Variants in DLGAP1 observed in about 807,000 individuals in gnomAD.
DLGAP1 encodes the protein DLG associated protein 1.
DLGAP1 carries 11 observed loss-of-function variants against 90.8 expected under a neutral mutation model. That is an observed-to-expected ratio of 0.12 (90% CI 0.08 to 0.20). The LOEUF is 0.20. Ranked by LOEUF, DLGAP1 falls within the 10% of genes least tolerant of loss-of-function variation. The pLI is 1.00. For missense variants in DLGAP1, 1,050 were observed against 1,333.8 expected (o/e 0.79, Z 3.31); for synonymous variants, 558 against 540.7 (o/e 1.03, Z -0.44).
intron 4 of DLGAP1, among the ~76,000 whole-genome samples, chr18:3,832,303 A>AGAT (rs1242205134): frequency 6.6e-6 from 1 of 152,208 alleles, no homozygotes; most frequent in Non-Finnish European, 1.5e-5. Context: ...GTAATAATGC[A>AGAT]GATATATTTC....
chr18:4,108,422 T>C (rs1186387155), intron 2 of DLGAP1, among the ~76,000 whole-genome samples: 1 of 152,158 alleles, frequency 6.6e-6, no homozygotes, highest in Admixed American at 6.5e-5. Context: ...TTATATTAAA[T>C]AAGTCTGTAT....
intron 4 of DLGAP1, chr18:3,874,331 G>C: frequency 6.6e-7 from 1 of 1,524,556 alleles, no homozygotes. Context: ...CTACCGCGGA[G>C]AGAGCGTTTT....
At chr18:4,281,931 G>C (rs2079561220) in intron 1 of DLGAP1, among the ~76,000 whole-genome samples, 1 of 152,034 alleles carries the variant, frequency 6.6e-6, no homozygotes, top group Non-Finnish European at 1.5e-5. Flanking sequence ...ATGTAAGAAG[G>C]GTAGTCTATA....
At chr18:4,453,601 C>T (rs745485506) in intron 1 of DLGAP1, among the ~76,000 whole-genome samples, 1 of 152,144 alleles carries the variant, frequency 6.6e-6, no homozygotes, top group Non-Finnish European at 1.5e-5. Context: ...TGCCTTAGGA[C>T]CTAAAATCGC....
chr18:3,902,629 G>A (rs529275251), intron 3 of DLGAP1, among the ~76,000 whole-genome samples: 14 of 152,018 alleles, frequency 9.2e-5, no homozygotes, highest in East Asian at 5.8e-4. Context: ...CTTTCTGCTC[G>A]GCCCCCACCG....
rs369753303 is a variant in DLGAP1, at chr18:3,582,846, CCCCT to C, written c.1592-602_1592-599del. 6.3e-3 allele frequency among the ~76,000 whole-genome samples: 631 copies of C among 100,760 alleles called. 6 individuals carry two copies. Among genetic ancestry groups the C allele is most frequent in the African/African-American group, 0.022 (573 of 26,616 alleles). The allele number at this position is 100,760 out of a possible 152,430, so 66.1% of individuals were successfully genotyped here. On this transcript the variant is annotated intron_variant, in intron 7 of 12. Transcript: ENST00000315677. Reference sequence around the variant, plus strand: ...CCTTCCTTCCTTCTTTCCTCCCTCCCCCCTCCCTCCCTCCCTCCTTCCTTCCTTC... The same window carrying C: ...CCTTCCTTCCTTCTTTCCTCCCTCCCCCCTCCCTCCCTCCTTCCTTCCTTC...
At chr18:3,755,835 A>G (rs1385921511) in intron 5 of DLGAP1, among the ~76,000 whole-genome samples, 1 of 152,202 alleles carries the variant, frequency 6.6e-6, no homozygotes, top group African/African-American at 2.4e-5. Context: ...ATACCTATAG[A>G]ACACTCCACT....
intron 2 of DLGAP1, among the ~76,000 whole-genome samples, chr18:4,021,187 CTCTT>C (rs1256170838): frequency 1.3e-5 from 2 of 152,160 alleles, no homozygotes; most frequent in Non-Finnish European, 2.9e-5. Flanking sequence ...GCGTGAATTA[CTCTT>C]TCTTTATTGC....
At chr18:4,414,062 G>A (rs1598383705) in intron 1 of DLGAP1, among the ~76,000 whole-genome samples, 1 of 152,156 alleles carries the variant, frequency 6.6e-6, no homozygotes, top group Non-Finnish European at 1.5e-5. Flanking sequence ...ACTATGTGAA[G>A]CTGGTCAAAT....
intron 2 of DLGAP1, among the ~76,000 whole-genome samples, chr18:4,071,629 C>G (rs1226042791): frequency 2.6e-5 from 4 of 152,130 alleles, no homozygotes; most frequent in Non-Finnish European, 5.9e-5. Context: ...TATATTAGTG[C>G]TTACTCTTTC....
intron 7 of DLGAP1, among the ~76,000 whole-genome samples, chr18:3,640,178 A>T (rs1237684963): frequency 6.6e-6 from 1 of 152,114 alleles, no homozygotes; most frequent in Non-Finnish European, 1.5e-5. Context: ...ATATTTATTT[A>T]AAAAATAGAT....
chr18:4,381,149 C>T (rs1196842462), intron 1 of DLGAP1, among the ~76,000 whole-genome samples: 2 of 152,106 alleles, frequency 1.3e-5, no homozygotes, highest in Non-Finnish European at 1.5e-5. Context: ...AAAGACTTCC[C>T]CATGTTAAAA....
At chr18:3,592,738 G>A (rs2056321381) in intron 7 of DLGAP1, among the ~76,000 whole-genome samples, 1 of 150,062 alleles carries the variant, frequency 6.7e-6, no homozygotes, top group South Asian at 2.1e-4. Flanking sequence ...CAGCTACTCG[G>A]TAGGCTGAGG....
chr18:4,147,283 C>T (rs1375694475), intron 2 of DLGAP1, among the ~76,000 whole-genome samples: 5 of 152,138 alleles, frequency 3.3e-5, no homozygotes, highest in Admixed American at 3.3e-4. Flanking sequence ...ATATAAATGA[C>T]ATTTCCCCGG....
intron 8 of DLGAP1, among the ~76,000 whole-genome samples, chr18:3,573,134 G>T (rs2054905000): frequency 6.6e-6 from 1 of 152,118 alleles, no homozygotes; most frequent in African/African-American, 2.4e-5. Flanking sequence ...TTGTAAGCAT[G>T]TTATTCCATA....
intron 1 of DLGAP1, among the ~76,000 whole-genome samples, chr18:4,304,333 G>T (rs2143319789): frequency 6.6e-6 from 1 of 152,272 alleles, no homozygotes; most frequent in Middle Eastern, 3.4e-3. Flanking sequence ...AATAAATGGT[G>T]ATCCCAGTGC....
At chr18:4,217,863 TA>T (rs1437078593) in intron 1 of DLGAP1, among the ~76,000 whole-genome samples, 12 of 152,112 alleles carry the variant, frequency 7.9e-5, no homozygotes, top group African/African-American at 2.9e-4. Flanking sequence ...GATCCCTCAA[TA>T]AAACCACAGA....
intron 1 of DLGAP1, among the ~76,000 whole-genome samples, chr18:4,301,280 C>A (rs1852019004): frequency 6.6e-6 from 1 of 152,172 alleles, no homozygotes; most frequent in South Asian, 2.1e-4. Context: ...CTTTGACCAC[C>A]ATTTCCCCAT....
intron 3 of DLGAP1, among the ~76,000 whole-genome samples, chr18:3,917,490 G>C (rs1332791635): frequency 6.6e-6 from 1 of 152,164 alleles, no homozygotes; most frequent in Non-Finnish European, 1.5e-5. Context: ...TTCTGGAGGA[G>C]TCAGCTACAA....
Sources: allele counts gnomAD v4.1 joint callset (sites outside exome capture counted in the v4.1 genomes callset), GRCh38; gene constraint gnomAD v4.1.1; transcripts MANE v1.5; gene names NCBI Gene and HGNC (gene_info 2026-07-23, HGNC 2026-07-21).